Variants in FOCAD observed in about 807,000 individuals in gnomAD.
The protein encoded by FOCAD is focadhesin, also known as KIAA1797.
Under a neutral mutation model 225.6 loss-of-function variants are expected in FOCAD, and 198 were observed. The ratio of observed to expected loss-of-function variants is 0.88; its 90% CI spans 0.78 to 0.99. FOCAD has a LOEUF of 0.99. Among genes scored for constraint, FOCAD ranks in the 50% least tolerant of loss-of-function variants. The pLI, the probability that FOCAD is intolerant of heterozygous loss-of-function variation, is 0.00. For missense variants in FOCAD, 2,713 were observed against 2,123.6 expected (o/e 1.28, Z -5.46); for synonymous variants, 897 against 755.0 (o/e 1.19, Z -3.08).
At chr9:20,768,857 A>T (rs1236465111) in intron 7 of FOCAD, among the ~76,000 whole-genome samples, 1 of 152,072 alleles carries the variant, frequency 6.6e-6, no homozygotes, top group African/African-American at 2.4e-5. Flanking sequence ...TAAATAATAT[A>T]TTTCTACATA....
intron 11 of FOCAD, among the ~76,000 whole-genome samples, chr9:20,796,763 G>A (rs1401640540): frequency 1.3e-5 from 2 of 152,032 alleles, no homozygotes; most frequent in African/African-American, 2.4e-5. Context: ...CATTCTGTAG[G>A]TTGCCTGTTC....
intron 4 of FOCAD, among the ~76,000 whole-genome samples, chr9:20,725,611 T>G (rs1250509491): frequency 2.0e-5 from 3 of 152,242 alleles, no homozygotes; most frequent in Non-Finnish European, 4.4e-5. Context: ...ACTTGCTCCT[T>G]CATCCTTTGT....
chr9:20,892,719 A>G (rs959045604), intron 21 of FOCAD, among the ~76,000 whole-genome samples: 5 of 152,166 alleles, frequency 3.3e-5, no homozygotes, highest in African/African-American at 1.2e-4. Context: ...ACATAAACGT[A>G]CCTGATAATG....
chr9:20,800,184 C>A (rs893273655), intron 11 of FOCAD, among the ~76,000 whole-genome samples: 1 of 152,122 alleles, frequency 6.6e-6, no homozygotes, highest in Non-Finnish European at 1.5e-5. Flanking sequence ...CTCCCACTCT[C>A]TTCTGGCTTG....
At chr9:20,674,459 G>A (rs375342588) in intron 2 of FOCAD, among the ~76,000 whole-genome samples, 15 of 151,950 alleles carry the variant, frequency 9.9e-5, no homozygotes, top group African/African-American at 3.1e-4. Context: ...ATCTGTCAGC[G>A]CACCACTGGA....
intron 5 of FOCAD, among the ~76,000 whole-genome samples, chr9:20,756,451 G>T (rs1446771916): frequency 6.6e-6 from 1 of 152,160 alleles, no homozygotes; most frequent in African/African-American, 2.4e-5. Context: ...CACCCGTGCA[G>T]TAGTTTTTAC....
chr9:20,916,663 A>G (rs1056122001), intron 23 of FOCAD, among the ~76,000 whole-genome samples: 1 of 152,184 alleles, frequency 6.6e-6, no homozygotes, highest in African/African-American at 2.4e-5. Flanking sequence ...CCCCTCAGTT[A>G]CATATTCACC....
chr9:20,790,006 A>C (rs1031634483), intron 11 of FOCAD, among the ~76,000 whole-genome samples: 7 of 152,216 alleles, frequency 4.6e-5, no homozygotes, highest in Non-Finnish European at 1.0e-4. Flanking sequence ...GGGAGCCTAT[A>C]CAATAGACAT....
chr9:20,890,169 A>G (rs535469041), intron 21 of FOCAD, among the ~76,000 whole-genome samples: 2 of 151,970 alleles, frequency 1.3e-5, no homozygotes, highest in South Asian at 2.1e-4. Flanking sequence ...ATGCCTGTCA[A>G]TTGTTTTTAT....
chr9:20,915,552 T>C (rs534408132), intron 23 of FOCAD, among the ~76,000 whole-genome samples: 1 of 152,254 alleles, frequency 6.6e-6, no homozygotes, highest in South Asian at 2.1e-4. Context: ...GGAGCTCTTT[T>C]GGTAGAGTTA....
chr9:20,744,538 G>A (rs952246643), intron 5 of FOCAD, among the ~76,000 whole-genome samples: 2 of 152,178 alleles, frequency 1.3e-5, no homozygotes, highest in African/African-American at 4.8e-5. Flanking sequence ...AGGAGCATAT[G>A]CCAAGTATAA....
In FOCAD at chr9:20,807,875, C is replaced by T. The variant is rs553526232; in HGVS notation, c.1456-11921C>T. On this transcript the variant is annotated intron_variant, in intron 11 of 43. Transcript: ENST00000338382. Reference sequence around the variant, plus strand: ...GACCAGCCTGGCCGACACAGTGAAACCCTGTCTCTAATAAAAATAGAAAAA... The same window carrying T: ...GACCAGCCTGGCCGACACAGTGAAATCCTGTCTCTAATAAAAATAGAAAAA... Among the ~76,000 whole-genome samples, 11 of 152,156 alleles carry T rather than the reference C, an allele frequency of 7.2e-5. No individual in the cohort carries two copies. In the East Asian group the frequency reaches 1.9e-3, roughly 27 times the overall value.
At chr9:20,861,865 C>G (rs752797879) in intron 15 of FOCAD, among the ~76,000 whole-genome samples, 53 of 152,050 alleles carry the variant, frequency 3.5e-4, no homozygotes, top group Middle Eastern at 6.8e-3. Context: ...TCAGTGTTAG[C>G]TGGAATTGAA....
chr9:20,716,193 A>C (rs375890303), intron 2 of FOCAD: 1 of 459,580 alleles, frequency 2.2e-6, no homozygotes, highest in Non-Finnish European at 4.8e-6. Context: ...GGTTGGAGTC[A>C]TATCCTGCAG....
chr9:20,986,669 T>G (rs1841200317), intron 40 of FOCAD, among the ~76,000 whole-genome samples: 1 of 152,180 alleles, frequency 6.6e-6, no homozygotes, highest in Non-Finnish European at 1.5e-5. Context: ...GAGGATGGAT[T>G]CTTTCGAGGG....
At chr9:20,703,517 G>C (rs1824141991) in intron 1 of FOCAD, among the ~76,000 whole-genome samples, 1 of 151,962 alleles carries the variant, frequency 6.6e-6, no homozygotes, top group South Asian at 2.1e-4. Flanking sequence ...ATTGTGAATA[G>C]TGCTGCATTA....
intron 6 of FOCAD, among the ~76,000 whole-genome samples, chr9:20,762,084 A>T (rs979871293): frequency 6.6e-6 from 1 of 152,130 alleles, no homozygotes; most frequent in East Asian, 1.9e-4. Context: ...CTTTATATGA[A>T]CCTTACATTT....
At chr9:20,964,352 C>T (rs981919404) in intron 35 of FOCAD, among the ~76,000 whole-genome samples, 1 of 152,034 alleles carries the variant, frequency 6.6e-6, no homozygotes, top group African/African-American at 2.4e-5. Context: ...CAAGATAGTG[C>T]TACTGCACTT....
At chr9:20,835,305 A>G (rs2131528384) in intron 15 of FOCAD, among the ~76,000 whole-genome samples, 1 of 152,242 alleles carries the variant, frequency 6.6e-6, no homozygotes, top group South Asian at 2.1e-4. Flanking sequence ...ATGGGTTTAG[A>G]AAGTCTAAGT....
Sources: allele counts gnomAD v4.1 joint callset (sites outside exome capture counted in the v4.1 genomes callset), GRCh38; gene constraint gnomAD v4.1.1; transcripts MANE v1.5; gene names NCBI Gene and HGNC (gene_info 2026-07-23, HGNC 2026-07-21).